The following ABCB1 variants were observed in gnomAD, a reference collection of about 807,000 sequenced individuals.
The protein encoded by ABCB1 is ATP-dependent translocase ABCB1.
ABCB1 carries 69 observed loss-of-function variants against 142.0 expected under a neutral mutation model. The ratio of observed to expected loss-of-function variants is 0.49; its 90% CI spans 0.40 to 0.59. The LOEUF (loss-of-function observed/expected upper bound fraction) is 0.59, where lower values mean the gene tolerates loss of function less well. ABCB1 is among the 20% of genes least tolerant of loss of function. ABCB1 has a pLI of 0.00. For synonymous variants in ABCB1, 532 were observed against 539.2 expected (o/e 0.99, Z 0.18); for missense variants, 1,326 against 1,554.7 (o/e 0.85, Z 2.47).
rs557440909 is a variant in ABCB1, at chr7:87,513,090, C to T, written c.3282+2141G>A. ...GTGGTAAGCTAACGGCTTAACTCAT[C>T]TTTGGCAGACAAGAATTTCTGCAAC... On this transcript the variant is annotated intron_variant, in intron 25 of 27. Coordinates refer to ENST00000622132, the MANE Select transcript of ABCB1 (RefSeq NM_001348946.2). 3.8e-4 allele frequency among the ~76,000 whole-genome samples: 58 copies of T among 152,306 alleles called. No homozygotes were observed. The East Asian group carries it at 0.01, about 27-fold the overall frequency.
At chr7:87,523,707 A>C (rs539442974) in intron 21 of ABCB1, among the ~76,000 whole-genome samples, 34 of 152,298 alleles carry the variant, frequency 2.2e-4, no homozygotes, top group African/African-American at 8.2e-4. Flanking sequence ...TACATCCTTC[A>C]TCACCTCTGG....
intron 3 of ABCB1, among the ~76,000 whole-genome samples, chr7:87,590,841 T>TA (rs1282280908): frequency 6.6e-6 from 1 of 152,154 alleles, no homozygotes; most frequent in Non-Finnish European, 1.5e-5. Context: ...ACCAAGGTGA[T>TA]ATGATGTGGC....
At chr7:87,535,958 A>T (rs1402713725) in intron 20 of ABCB1, among the ~76,000 whole-genome samples, 3 of 151,992 alleles carry the variant, frequency 2.0e-5, no homozygotes, top group Non-Finnish European at 2.9e-5. Flanking sequence ...AGCAAAATTT[A>T]AGTTATTAAA....
chr7:87,711,741 C>T (rs1262059597), intron 1 of ABCB1, among the ~76,000 whole-genome samples: 1 of 152,018 alleles, frequency 6.6e-6, no homozygotes, highest in African/African-American at 2.4e-5. Context: ...TTCAGATGTC[C>T]CATTGCCACA....
At chr7:87,601,832 ATCACTTTGTTT>A (rs1276464384), upstream of ABCB1, among the ~76,000 whole-genome samples, 1 of 152,202 alleles carries the variant, frequency 6.6e-6, no homozygotes, top group East Asian at 1.9e-4. Context: ...GAAGAAGAAA[ATCACTTTGTTT>A]TTTACTGCAT....
At chr7:87,660,248 GT>G (rs2130443929) in intron 1 of ABCB1, among the ~76,000 whole-genome samples, 1 of 152,196 alleles carries the variant, frequency 6.6e-6, no homozygotes, top group Admixed American at 6.5e-5. Context: ...GTGTATTTGT[GT>G]GTGTACATGC....
intron 1 of ABCB1, among the ~76,000 whole-genome samples, chr7:87,645,832 G>A (rs58448193): frequency 1.3e-5 from 2 of 151,974 alleles, no homozygotes; most frequent in African/African-American, 4.8e-5. Flanking sequence ...GGGAAGAATC[G>A]GTTAGCTGAA....
upstream of ABCB1, among the ~76,000 whole-genome samples, chr7:87,604,317 T>C (rs887143901): frequency 1.3e-5 from 2 of 152,158 alleles, no homozygotes; most frequent in African/African-American, 4.8e-5. Flanking sequence ...AAAGAAGGAA[T>C]GCAACTCACC....
At chr7:87,532,840 C>T (rs1398234241) in intron 20 of ABCB1, among the ~76,000 whole-genome samples, 1 of 152,174 alleles carries the variant, frequency 6.6e-6, no homozygotes, top group South Asian at 2.1e-4. Context: ...CAAGAACCCT[C>T]TTTCAAGGTC....
chr7:87,623,088 T>C (rs1820283409), intron 1 of ABCB1, among the ~76,000 whole-genome samples: 1 of 152,164 alleles, frequency 6.6e-6, no homozygotes. Flanking sequence ...AGCTAATGAT[T>C]TAGATTTCAA....
intron 4 of ABCB1, among the ~76,000 whole-genome samples, chr7:87,580,132 T>C (rs1441334696): frequency 6.6e-6 from 1 of 152,168 alleles, no homozygotes; most frequent in Admixed American, 6.5e-5. Flanking sequence ...GTACTTATTA[T>C]TACCAGTGAG....
Position 87,700,637 on chromosome 7 carries a change from C to T in ABCB1, c.-331+12524G>A. The T allele has an allele frequency of 4.7e-6, 6 of 1,273,624 alleles. No individual in the cohort carries two copies. The South Asian group carries it at 8.6e-5, about 18-fold the overall frequency. 78.9% of individuals were successfully genotyped at this position (1,273,624 alleles called of 1,614,324 possible). On this transcript the variant is annotated intron_variant, in intron 1 of 28. Transcript: ENST00000265724. ...TAGCAGGAAGGTGTGAAGCTACTTA[C>T]TATGAATTTCCTTTTCTTAAGAAGC...
intron 1 of ABCB1, among the ~76,000 whole-genome samples, chr7:87,640,210 T>A (rs774588748): frequency 2.3e-4 from 35 of 149,214 alleles, no homozygotes; most frequent in Non-Finnish European, 4.2e-4. Flanking sequence ...ATATATATAT[T>A]AAATCTTACA....
chr7:87,589,845 G>GGAGGGAGA (rs1818922563), intron 3 of ABCB1, among the ~76,000 whole-genome samples: 2 of 108,110 alleles, frequency 1.8e-5, no homozygotes, highest in African/African-American at 1.0e-4. Flanking sequence ...AGGGAGAGAG[G>GGAGGGAGA]GAGGGAGAGA....
In ABCB1 at chr7:87,519,339, C is replaced by T. The variant is rs770657790; in HGVS notation, c.2914G>A (p.Glu972Lys). 7.4e-6 allele frequency: 12 copies of T among 1,613,958 alleles called. No individual in the cohort carries two copies. The highest frequency in any genetic ancestry group is 8.5e-6 in the Non-Finnish European group (10 of 1,179,964). ...YLVAHKLMSF[E>K]DVLLVFSAVV... is the part of the protein sequence containing the mutation. ...CCCAATACTTACAACAGAACATCCT[C>T]AAAGCTCATGAGTTTATGTGCCACC... is the stretch of plus-strand genomic sequence containing the variant. Residue 972 changes from glutamate (E) to lysine (K), a missense_variant, in exon 23 of 28, where the codon GAG becomes AAG. Transcript: ENST00000622132.
Position 87,550,431 on chromosome 7 carries a change from A to C in ABCB1, c.1224+37T>G, listed in dbSNP as rs374207231. 5 of 1,604,898 alleles carry C rather than the reference A, an allele frequency of 3.1e-6. No individual in the cohort carries two copies. In the African/African-American group the frequency reaches 6.7e-5, roughly 21 times the overall value. On this transcript the variant is annotated intron_variant, in intron 11 of 27. Coordinates refer to ENST00000622132, the MANE Select transcript of ABCB1 (RefSeq NM_001348946.2). ...AGAAAACATCAGAAACTCTTCATTC[A>C]ATAGATTAATTGTTGATTAATCATT... is the stretch of plus-strand genomic sequence containing the variant.
chr7:87,534,769 G>C (rs1471288479), intron 20 of ABCB1, among the ~76,000 whole-genome samples: 1 of 151,754 alleles, frequency 6.6e-6, no homozygotes, highest in African/African-American at 2.4e-5. Context: ...TTAAAAATTA[G>C]CTCGACATGG....
intron 1 of ABCB1, among the ~76,000 whole-genome samples, chr7:87,646,752 A>G (rs1053345340): frequency 2.0e-4 from 31 of 152,122 alleles, no homozygotes; most frequent in Admixed American, 1.3e-4. Flanking sequence ...GATTGGCAGC[A>G]TTATTCTTGT....
rs1411167300 is a variant in ABCB1, at chr7:87,679,923, C to T, written c.-331+33238G>A. Reference sequence around the variant, plus strand: ...CCAAATGTTTGAAAATGTAAAAATACACTTTTTTAAACAAATTATACTTTA... The same window carrying T: ...CCAAATGTTTGAAAATGTAAAAATATACTTTTTTAAACAAATTATACTTTA... On this transcript the variant is annotated intron_variant, in intron 1 of 28. Coordinates refer to the ABCB1 transcript ENST00000265724. Among the ~76,000 whole-genome samples, 2 of 150,456 alleles carry T rather than the reference C, an allele frequency of 1.3e-5. 1 individual carries two copies. Among genetic ancestry groups the T allele is most frequent in the Non-Finnish European group, 2.9e-5 (2 of 67,820 alleles).
Sources: gnomAD v4.1 joint callset for allele counts (sites outside exome capture counted in the v4.1 genomes callset) on GRCh38, gnomAD v4.1.1 for gene constraint, MANE v1.5 for transcripts, NCBI Gene and HGNC (gene_info 2026-07-23, HGNC 2026-07-21) for gene names.